Variants in FBXO34 observed in about 807,000 individuals in gnomAD.
FBXO34 encodes F-box protein 34.
In FBXO34, 12 loss-of-function variants were observed where a neutral mutation model predicts 24.5. The observed-to-expected ratio is 0.49, with a 90% CI of 0.31 to 0.79. The LOEUF is 0.79. FBXO34 is among the 30% of genes least tolerant of loss of function. The pLI is 0.04. For missense variants in FBXO34, 823 were observed against 857.7 expected, an observed-to-expected ratio of 0.96 and a Z score of 0.51; for synonymous variants, 320 against 311.9, an observed-to-expected ratio of 1.03 and a Z score of -0.27.
the FBXO34 span, among the ~76,000 whole-genome samples, chr14:55,403,548 T>G: frequency 6.6e-6 from 1 of 152,168 alleles, no homozygotes; most frequent in Admixed American, 6.5e-5. Context: ...ATAATCTTTT[T>G]TTTTTCATGA....
exon 3 of FBXO34, chr14:55,367,794 A>G (rs768743317): frequency 1.2e-4 from 18 of 152,104 alleles, no homozygotes; most frequent in Non-Finnish European, 2.4e-4. Flanking sequence ...TCCTCCTTTC[A>G]TGGAAAATTC....
the FBXO34 span, among the ~76,000 whole-genome samples, chr14:55,426,549 T>TGAGGC: frequency 6.6e-6 from 1 of 152,036 alleles, no homozygotes; most frequent in East Asian, 1.9e-4. Context: ...AAAATTCAAA[T>TGAGGC]CTTCTAAGAG....
chr14:55,337,238 T>G, intron 1 of FBXO34, among the ~76,000 whole-genome samples: 1 of 152,176 alleles, frequency 6.6e-6, no homozygotes, highest in Admixed American at 6.5e-5. Flanking sequence ...CCTCCCAAAG[T>G]GCTGGGATTA....
rs114306975 is a variant in FBXO34 at position 55,298,628 on chromosome 14, G to C, written c.-11+27091G>C. The C allele has an allele frequency of 4.0e-3, 5,319 of 1,322,414 alleles. 132 individuals are homozygous for C. In the African/African-American group the frequency reaches 0.068, roughly 17 times the overall value. The allele number at this position is 1,322,414 out of a possible 1,614,324, so 81.9% of individuals were successfully genotyped here. ...AGCCCAGCCGGAGCGGGCGTTGAAG[G>C]CTGGCGCGGCGAGCGCTGTTCGGGG... On this transcript the variant is annotated intron_variant, in intron 1 of 1. Coordinates refer to ENST00000313833, the MANE Select transcript of FBXO34 (RefSeq NM_017943.4).
At chr14:55,342,836 G>C (rs553391106) in intron 1 of FBXO34, among the ~76,000 whole-genome samples, 21 of 152,316 alleles carry the variant, frequency 1.4e-4, no homozygotes, top group African/African-American at 4.8e-4. Flanking sequence ...TGGAATAGAT[G>C]CTGTCAGAAT....
At chr14:55,279,001 A>G (rs1360788107) in intron 1 of FBXO34, among the ~76,000 whole-genome samples, 1 of 152,056 alleles carries the variant, frequency 6.6e-6, no homozygotes, top group African/African-American at 2.4e-5. Context: ...TCTTTATTAA[A>G]GAGATTTAGT....
At chr14:55,409,444 A>AC in the FBXO34 span, among the ~76,000 whole-genome samples, 749 of 151,666 alleles carry the variant, frequency 4.9e-3, 8 homozygotes, top group African/African-American at 0.017. Context: ...AATATGTACA[A>AC]CCATCACATG....
At chr14:55,380,578 G>A in the FBXO34 span, 1 of 1,600,342 alleles carries the variant, frequency 6.2e-7, no homozygotes, top group Non-Finnish European at 8.6e-7. Context: ...CTTGCCTGTT[G>A]CAGAGCTTTT....
chr14:55,280,832 C>T (rs951130485), intron 1 of FBXO34, among the ~76,000 whole-genome samples: 1 of 152,010 alleles, frequency 6.6e-6, no homozygotes, highest in Admixed American at 6.6e-5. Context: ...AGCCATATAT[C>T]AGGAACTTGA....
intron 1 of FBXO34, among the ~76,000 whole-genome samples, chr14:55,309,191 T>C (rs1008807634): frequency 6.6e-6 from 1 of 152,240 alleles, no homozygotes; most frequent in African/African-American, 2.4e-5. Context: ...TTATAGTCTT[T>C]ACACACTTCC....
At chr14:55,362,513 C>T (rs1044020721), downstream of FBXO34, among the ~76,000 whole-genome samples, 19 of 151,636 alleles carry the variant, frequency 1.3e-4, no homozygotes, top group Admixed American at 1.2e-3. Context: ...CAAAGCAAAG[C>T]GCAAAAAAAC....
intron 1 of FBXO34, among the ~76,000 whole-genome samples, chr14:55,302,865 G>A (rs554526907): frequency 5.4e-4 from 82 of 152,252 alleles, no homozygotes; most frequent in Non-Finnish European, 1.1e-3. Flanking sequence ...GGGCAAATGC[G>A]GCAAAGAATT....
the FBXO34 span, among the ~76,000 whole-genome samples, chr14:55,375,351 CAG>C: frequency 2.0e-5 from 3 of 152,154 alleles, no homozygotes; most frequent in African/African-American, 4.8e-5. Context: ...TGTGAAGAGA[CAG>C]GGCTTCATTC....
intron 1 of FBXO34, among the ~76,000 whole-genome samples, chr14:55,293,201 C>T (rs1882001396): frequency 1.3e-5 from 2 of 151,842 alleles, no homozygotes; most frequent in African/African-American, 4.8e-5. Context: ...TTTTCTGAGA[C>T]AGGTTCTCAC....
In FBXO34 at chr14:55,319,776, C is replaced by T. The variant is rs571128143; in HGVS notation, c.-10-30605C>T. Among the ~76,000 whole-genome samples the T allele has an allele frequency of 1.6e-4, 25 of 152,220 alleles. No homozygotes were observed. In the East Asian group the frequency reaches 2.3e-3, roughly 14 times the overall value. On this transcript the variant is annotated intron_variant, in intron 1 of 1. Transcript: ENST00000313833. ...CTGCAAGCTCTGCCTCCCGGGTTTA[C>T]GCCATTCTCCTGCCTCAGCCTCCCA... is the stretch of plus-strand genomic sequence containing the variant.
chr14:55,364,442 G>A (rs1261521862), downstream of FBXO34, among the ~76,000 whole-genome samples: 1 of 152,028 alleles, frequency 6.6e-6, no homozygotes, highest in Non-Finnish European at 1.5e-5. Flanking sequence ...TGTTGTTGTT[G>A]TTTTGAGATG....
the FBXO34 span, chr14:55,380,498 T>C: frequency 1.0e-6 from 1 of 965,594 alleles, no homozygotes; most frequent in Non-Finnish European, 1.6e-6. Context: ...TTTTGGTTTA[T>C]TGGAATAAAT....
the FBXO34 span, among the ~76,000 whole-genome samples, chr14:55,381,316 G>A: frequency 6.6e-6 from 1 of 152,068 alleles, no homozygotes; most frequent in Non-Finnish European, 1.5e-5. Context: ...AAACTGCAGG[G>A]GTTTTAAAGG....
At chr14:55,320,968 T>G (rs1196666639) in intron 1 of FBXO34, among the ~76,000 whole-genome samples, 1 of 152,184 alleles carries the variant, frequency 6.6e-6, no homozygotes, top group African/African-American at 2.4e-5. Context: ...TCCTTTGGGT[T>G]AAATATTAAT....
Sources: allele counts gnomAD v4.1 joint callset (sites outside exome capture counted in the v4.1 genomes callset), GRCh38; gene constraint gnomAD v4.1.1; transcripts MANE v1.5; gene names NCBI Gene and HGNC (gene_info 2026-07-23, HGNC 2026-07-21).